The following RANBP9 variants were observed in gnomAD, a reference collection of about 807,000 sequenced individuals.
RANBP9 encodes the protein RAN binding protein 9.
A neutral mutation model predicts 84.3 loss-of-function variants in RANBP9; 15 were observed. The ratio of observed to expected loss-of-function variants is 0.18; its 90% CI spans 0.12 to 0.27. RANBP9 has a LOEUF of 0.27. RANBP9 is among the 10% of genes least tolerant of loss of function. The pLI, the probability that RANBP9 is intolerant of heterozygous loss-of-function variation, is 1.00. For synonymous variants in RANBP9, 392 were observed against 349.6 expected (o/e 1.12, Z -1.35); for missense variants, 809 against 912.8 (o/e 0.89, Z 1.46).
chr6:13,652,536 T>C, intron 5 of RANBP9, 123 bp downstream of exon 5: 2 of 912,536 alleles, frequency 2.2e-6, no homozygotes, highest in Non-Finnish European at 3.2e-6. Flanking sequence ...TTTCTTTGCA[T>C]GTCATATAAA....
At chr6:13,662,379 G>A (rs1353809364) in intron 2 of RANBP9, among the ~76,000 whole-genome samples, 1 of 152,108 alleles carries the variant, frequency 6.6e-6, no homozygotes, top group African/African-American at 2.4e-5. Flanking sequence ...AAGATGTAGG[G>A]AGAAATACTC....
chr6:13,627,940 T>C (rs551656284), intron 12 of RANBP9, among the ~76,000 whole-genome samples: 42 of 152,114 alleles, frequency 2.8e-4, no homozygotes, highest in African/African-American at 1.0e-3. Context: ...GTAACAAACC[T>C]GCACATCCTG....
chr6:13,685,753 C>T (rs1766159275), intron 2 of RANBP9, among the ~76,000 whole-genome samples: 1 of 151,932 alleles, frequency 6.6e-6, no homozygotes, highest in Non-Finnish European at 1.5e-5. Context: ...CATGGTGAAA[C>T]CCTGTCTCTA....
At chr6:13,659,259 C>CACACACACACACACAT (rs1765486220) in intron 2 of RANBP9, among the ~76,000 whole-genome samples, 1 of 38,834 alleles carries the variant, frequency 2.6e-5, no homozygotes, top group East Asian at 4.2e-4. Context: ...CACACACATA[C>CACACACACACACACAT]ACACACACAC....
In RANBP9 at chr6:13,640,136, C is replaced by T. The variant is rs937283459; in HGVS notation, c.1335-383G>A. Among the ~76,000 whole-genome samples the T allele has an allele frequency of 3.3e-5, 5 of 152,112 alleles. 1 individual carries two copies. The highest frequency in any genetic ancestry group is 1.3e-4 in the Admixed American group (2 of 15,274). On this transcript the variant is annotated intron_variant, in intron 8 of 13. Coordinates refer to ENST00000011619, the MANE Select transcript of RANBP9 (RefSeq NM_005493.3). ...TTATGTATATGAGATACATATAAAG[C>T]GTAGCCTTTCTCCCCACCCGTCCCA...
intron 1 of RANBP9, among the ~76,000 whole-genome samples, chr6:13,705,868 C>CAAAAAAAAAAAAAA (rs767070995): frequency 2.2e-4 from 17 of 76,728 alleles, no homozygotes; most frequent in Admixed American, 3.0e-4. Flanking sequence ...GACTCCGTCT[C>CAAAAAAAAAAAAAA]AAAAAAAAAA....
chr6:13,684,019 CA>C (rs1318128511), intron 2 of RANBP9, among the ~76,000 whole-genome samples: 5 of 152,120 alleles, frequency 3.3e-5, no homozygotes, highest in African/African-American at 7.2e-5. Flanking sequence ...ATCCAAAATC[CA>C]AGACTCACAT....
intron 2 of RANBP9, among the ~76,000 whole-genome samples, chr6:13,671,934 A>C (rs184906758): frequency 2.0e-5 from 3 of 152,304 alleles, no homozygotes; most frequent in African/African-American, 7.2e-5. Flanking sequence ...CTGAGTTCAC[A>C]GGTCACAACA....
chr6:13,710,347 C>T (rs1444714094), intron 1 of RANBP9, among the ~76,000 whole-genome samples: 1 of 152,032 alleles, frequency 6.6e-6, no homozygotes, highest in African/African-American at 2.4e-5. Flanking sequence ...TCCTGGGGTT[C>T]CCTTCTCTTA....
rs909703185 is a variant in RANBP9, at chr6:13,658,469, C to T, written c.736+311G>A. 2.0e-5 allele frequency among the ~76,000 whole-genome samples: 3 copies of T among 151,968 alleles called. No individual in the cohort carries two copies. The East Asian group carries it at 5.8e-4, about 29-fold the overall frequency. ...ACTAAAAATACAAAAATTAGCCGGG[C>T]CTGGTGGCGCATGCCTGTGATCCCA... On this transcript the variant is annotated intron_variant, in intron 3 of 13. Transcript: ENST00000011619.
chr6:13,694,488 A>T (rs917447805), intron 2 of RANBP9, among the ~76,000 whole-genome samples: 2 of 152,226 alleles, frequency 1.3e-5, no homozygotes, highest in African/African-American at 2.4e-5. Flanking sequence ...AGTTACCAGG[A>T]GCTAGATATG....
chr6:13,647,017 G>A (rs1435628906), intron 5 of RANBP9, among the ~76,000 whole-genome samples: 4 of 152,136 alleles, frequency 2.6e-5, no homozygotes, highest in African/African-American at 9.7e-5. Context: ...GACTTGAAAG[G>A]CTGAGAATAC....
chr6:13,663,794 A>C (rs1391118059), intron 2 of RANBP9, among the ~76,000 whole-genome samples: 1 of 152,154 alleles, frequency 6.6e-6, no homozygotes, highest in African/African-American at 2.4e-5. Context: ...ACTAGGGGAA[A>C]ATTCCTATCA....
intron 2 of RANBP9, among the ~76,000 whole-genome samples, chr6:13,690,667 T>A (rs1584944999): frequency 1.3e-5 from 2 of 152,208 alleles, no homozygotes; most frequent in South Asian, 4.1e-4. Flanking sequence ...CTAAAAACTT[T>A]CAAATAAAAA....
rs115719968 is a variant in RANBP9, at chr6:13,622,335, A to G, written c.*27T>C. On this transcript the variant is annotated 3_prime_UTR_variant, in exon 14 of 14. Coordinates refer to ENST00000011619, the MANE Select transcript of RANBP9 (RefSeq NM_005493.3). ...TTCCATGTTGACTATATGCCACAATATAAGTGTGAGCTCTTGAAATGCATA... is the reference window on the plus strand; with the variant it reads ...TTCCATGTTGACTATATGCCACAATGTAAGTGTGAGCTCTTGAAATGCATA... 0.033 allele frequency: 49,797 copies of G among 1,514,200 alleles called. 997 individuals are homozygous for G. Among genetic ancestry groups the G allele is most frequent in the Admixed American group, 0.051 (2,291 of 44,604 alleles). The allele number at this position is 1,514,200 out of a possible 1,614,324, so 93.8% of individuals were successfully genotyped here. A position where few individuals can be genotyped will look rare whatever the true frequency, so the allele number is the denominator to read the frequency against.
rs530644901 is a variant in RANBP9 at position 13,680,460 on chromosome 6, G to A, written c.683+16325C>T. 3.3e-5 allele frequency among the ~76,000 whole-genome samples: 5 copies of A among 152,180 alleles called. No individual in the cohort carries two copies. In the South Asian group the frequency reaches 1.0e-3, roughly 32 times the overall value. ...ATGGAGCTCATAAAAAAACATGGCT[G>A]GGTACAGTGGTTCATGCGTGTAATC... On this transcript the variant is annotated intron_variant, in intron 2 of 13. Transcript: ENST00000011619.
intron 1 of RANBP9, among the ~76,000 whole-genome samples, chr6:13,698,298 A>G (rs540831051): frequency 6.6e-6 from 1 of 152,370 alleles, no homozygotes; most frequent in East Asian, 1.9e-4. Flanking sequence ...AACAGTATTT[A>G]CATGCATCAA....
At position 13,705,329 on chromosome 6, in the gene RANBP9, A is replaced by T. The variant is rs982524656; in HGVS notation, c.571+5606T>A. Among the ~76,000 whole-genome samples, 4 of 136,216 alleles carry T rather than the reference A, an allele frequency of 2.9e-5. No individual in the cohort carries two copies. The South Asian group carries it at 7.4e-4, about 25-fold the overall frequency. 89.4% of individuals were successfully genotyped at this position (136,216 alleles called of 152,430 possible). A position where few individuals can be genotyped will look rare whatever the true frequency, so the allele number is the denominator to read the frequency against. ...TGAGGCTGGAAAGTCACTTGAATCC[A>T]GGAGATGGAGGTTGCAGTGAGCTGA... On this transcript the variant is annotated intron_variant, in intron 1 of 13. Transcript: ENST00000011619.
chr6:13,653,292 A>G (rs1354656278), intron 4 of RANBP9, among the ~76,000 whole-genome samples: 3 of 152,170 alleles, frequency 2.0e-5, no homozygotes, highest in Non-Finnish European at 4.4e-5. Context: ...ACCTTTTGAC[A>G]GTAATTACAA....
Sources: gnomAD v4.1 joint callset for allele counts (sites outside exome capture counted in the v4.1 genomes callset) on GRCh38, gnomAD v4.1.1 for gene constraint, MANE v1.5 for transcripts, NCBI Gene and HGNC (gene_info 2026-07-23, HGNC 2026-07-21) for gene names.